DYNC1I1: variants seen among roughly 807,000 people sequenced by gnomAD.
DYNC1I1 encodes dynein cytoplasmic 1 intermediate chain 1, also known as cytoplasmic dynein 1 intermediate chain 1.
Under a neutral mutation model 86.6 loss-of-function variants are expected in DYNC1I1, and 43 were observed. The ratio of observed to expected loss-of-function variants is 0.50; its 90% confidence interval spans 0.39 to 0.64. DYNC1I1 has a LOEUF of 0.64. Ranked by LOEUF, DYNC1I1 falls within the 30% of genes least tolerant of loss-of-function variation. DYNC1I1 has a pLI of 0.00. For synonymous variants in DYNC1I1, 262 were observed against 283.7 expected, an observed-to-expected ratio of 0.92 and a Z score of 0.77; for missense variants, 604 against 788.8, an observed-to-expected ratio of 0.77 and a Z score of 2.81.
In DYNC1I1 at chr7:96,084,442, C is replaced by CTT. The variant is rs11369815; in HGVS notation, c.1776+3970_1776+3971dup. On this transcript the variant is annotated intron_variant, in intron 16 of 16. Coordinates refer to ENST00000447467, the MANE Select transcript of DYNC1I1 (RefSeq NM_001135556.2). Reference sequence around the variant, plus strand: ...ACCTGTTTCTCTTTTTTTTTCTTTTCTTTTTTTTTTTTTTTTTGAGACGGA... The same window carrying CTT: ...ACCTGTTTCTCTTTTTTTTTCTTTTCTTTTTTTTTTTTTTTTTTTGAGACGGA... Among the ~76,000 whole-genome samples the CTT allele has an allele frequency of 4.6e-3, 574 of 124,710 alleles. 9 individuals are homozygous for CTT. The highest frequency in any genetic ancestry group is 0.018 in the Middle Eastern group (4 of 228). 81.8% of individuals were successfully genotyped at this position (124,710 alleles called of 152,430 possible).
intron 6 of DYNC1I1, among the ~76,000 whole-genome samples, chr7:95,939,960 G>A (rs1475538294): frequency 3.9e-5 from 6 of 152,178 alleles, no homozygotes; most frequent in South Asian, 2.1e-4. Context: ...CATGTTTAGC[G>A]CTTCCTTCAG....
At chr7:96,008,040 T>C (rs1426767782) in intron 10 of DYNC1I1, among the ~76,000 whole-genome samples, 1 of 152,186 alleles carries the variant, frequency 6.6e-6, no homozygotes, top group Non-Finnish European at 1.5e-5. Flanking sequence ...AATGCTCTGC[T>C]CTTGAAGGCT....
intron 6 of DYNC1I1, among the ~76,000 whole-genome samples, chr7:95,960,834 T>A (rs1792847725): frequency 6.6e-6 from 1 of 152,208 alleles, no homozygotes; most frequent in Admixed American, 6.5e-5. Flanking sequence ...TAATAAACCC[T>A]GTTCAGCATC....
intron 14 of DYNC1I1, among the ~76,000 whole-genome samples, chr7:96,040,262 A>G (rs1788997641): frequency 6.6e-6 from 1 of 151,980 alleles, no homozygotes; most frequent in Non-Finnish European, 1.5e-5. Context: ...AATAAAATAA[A>G]ATAGTAAAAT....
intron 6 of DYNC1I1, among the ~76,000 whole-genome samples, chr7:95,959,720 A>T (rs1366050597): frequency 6.6e-6 from 1 of 152,198 alleles, no homozygotes; most frequent in East Asian, 1.9e-4. Context: ...GACTCATTTA[A>T]CTTTGCTAAG....
intron 6 of DYNC1I1, among the ~76,000 whole-genome samples, chr7:95,946,683 G>T (rs112003255): frequency 0.017 from 2,568 of 152,296 alleles, 46 homozygotes; most frequent in South Asian, 0.099. Flanking sequence ...ATTAATTCAT[G>T]CATTGAACAA....
intron 5 of DYNC1I1, among the ~76,000 whole-genome samples, chr7:95,859,742 G>A (rs962991650): frequency 2.0e-5 from 3 of 152,246 alleles, no homozygotes; most frequent in Non-Finnish European, 4.4e-5. Flanking sequence ...CAGGCATAAA[G>A]CTGGAGGCTA....
chr7:95,888,054 A>G (rs948010971), intron 6 of DYNC1I1, among the ~76,000 whole-genome samples: 4 of 152,194 alleles, frequency 2.6e-5, no homozygotes, highest in Non-Finnish European at 5.9e-5. Flanking sequence ...ACCTCCATTT[A>G]GGTTGAATGC....
At chr7:96,004,432 A>G (rs1794091400) in intron 10 of DYNC1I1, among the ~76,000 whole-genome samples, 1 of 152,144 alleles carries the variant, frequency 6.6e-6, no homozygotes. Flanking sequence ...TGAGTTTTTA[A>G]AAAGTATTTC....
chr7:95,795,976 C>T (rs1171486512), intron 1 of DYNC1I1, among the ~76,000 whole-genome samples: 2 of 150,572 alleles, frequency 1.3e-5, no homozygotes, highest in Non-Finnish European at 3.0e-5. Flanking sequence ...TATGAAGAAG[C>T]CTACTAGATA....
intron 9 of DYNC1I1, among the ~76,000 whole-genome samples, chr7:95,995,107 C>A (rs557529195): frequency 3.3e-5 from 5 of 151,934 alleles, no homozygotes; most frequent in South Asian, 2.1e-4. Context: ...ATTAGCCAGG[C>A]GTGGTGGCCG....
In DYNC1I1 at chr7:95,894,082, G is replaced by A. The variant is rs184580692; in HGVS notation, c.490+24084G>A. On this transcript the variant is annotated intron_variant, in intron 6 of 16. Transcript: ENST00000447467. ...CATGTTGATATTATACTACTATCAAGTGATATTGTAAATACCTGCCCTTCC... is the reference window on the plus strand; with the variant it reads ...CATGTTGATATTATACTACTATCAAATGATATTGTAAATACCTGCCCTTCC... Among the ~76,000 whole-genome samples the A allele has an allele frequency of 2.0e-5, 3 of 152,102 alleles. No individual in the cohort carries two copies. In the East Asian group the frequency reaches 5.8e-4, roughly 29 times the overall value.
chr7:95,824,326 G>A (rs1795158455), intron 4 of DYNC1I1, among the ~76,000 whole-genome samples: 1 of 151,942 alleles, frequency 6.6e-6, no homozygotes, highest in Non-Finnish European at 1.5e-5. Flanking sequence ...CATAAGAGCT[G>A]TAGGTTCCTT....
chr7:95,780,980 T>G (rs1793978074), intron 1 of DYNC1I1, among the ~76,000 whole-genome samples: 1 of 152,006 alleles, frequency 6.6e-6, no homozygotes, highest in Non-Finnish European at 1.5e-5. Flanking sequence ...TGGTGTGTAT[T>G]TTGTGGAAGA....
At chr7:95,930,019 C>T (rs1791848135) in intron 6 of DYNC1I1, among the ~76,000 whole-genome samples, 1 of 152,188 alleles carries the variant, frequency 6.6e-6, no homozygotes, top group Non-Finnish European at 1.5e-5. Context: ...AGGTTAGATT[C>T]ACGAATGCTA....
intron 9 of DYNC1I1, among the ~76,000 whole-genome samples, chr7:95,993,876 G>A (rs1793792621): frequency 6.6e-6 from 1 of 152,176 alleles, no homozygotes; most frequent in African/African-American, 2.4e-5. Flanking sequence ...TAAGAAGAGA[G>A]TGATACGGTC....
intron 9 of DYNC1I1, among the ~76,000 whole-genome samples, chr7:95,991,028 T>TTAAAA (rs71292964): frequency 0.077 from 11,401 of 148,562 alleles, 475 homozygotes; most frequent in Middle Eastern, 0.16. Flanking sequence ...GACCCTGTCT[T>TTAAAA]TAAAATAAAA....
At chr7:96,076,031 G>C (rs776633752) in intron 14 of DYNC1I1, 26 bp from the exon 15 acceptor site, 1 of 1,607,886 alleles carries the variant, frequency 6.2e-7, no homozygotes, top group Non-Finnish European at 8.5e-7. Flanking sequence ...GCGCCACAAA[G>C]TCTTCACGGT....
intron 5 of DYNC1I1, among the ~76,000 whole-genome samples, chr7:95,841,989 T>C (rs1789295976): frequency 6.6e-6 from 1 of 152,198 alleles, no homozygotes; most frequent in African/African-American, 2.4e-5. Context: ...CTTCCAGAGA[T>C]AGGCAAGTTA....
Sources: gnomAD v4.1 joint callset for allele counts (sites outside exome capture counted in the v4.1 genomes callset) on GRCh38, gnomAD v4.1.1 for gene constraint, MANE v1.5 for transcripts, NCBI Gene and HGNC (gene_info 2026-07-23, HGNC 2026-07-21) for gene names.